Variants in TCERG1L observed in about 807,000 individuals in gnomAD.
TCERG1L encodes the protein transcription elongation regulator 1 like.
In TCERG1L, 37 loss-of-function variants were observed where a neutral mutation model predicts 56.3. That is an observed-to-expected ratio of 0.66 (90% CI 0.51 to 0.87). TCERG1L has a LOEUF of 0.87. Ranked by LOEUF, TCERG1L falls within the 40% of genes least tolerant of loss-of-function variation. The probability of loss-of-function intolerance (pLI) is 0.00; values close to 1 mark genes in which losing one functional copy is unlikely to be tolerated. For missense variants in TCERG1L, 799 were observed against 774.2 expected (o/e 1.03, Z -0.38); for synonymous variants, 324 against 326.3 (o/e 0.99, Z 0.08).
At position 131,194,031 on chromosome 10, in the gene TCERG1L, C is replaced by T. The variant is rs889305026; in HGVS notation, c.857-27146G>A. The stretch of plus-strand genomic sequence containing the variant: ...TAATGTTGCCGCATTGGCCATCTCA[C>T]GCACTGTGCTGATTAATAGCCACAC... On this transcript the variant is annotated intron_variant, in intron 4 of 11. Transcript: ENST00000368642. 3.2e-4 allele frequency among the ~76,000 whole-genome samples: 49 copies of T among 152,256 alleles called. 1 individual carries two copies. Among genetic ancestry groups the T allele is most frequent in the Admixed American group, 2.9e-3 (44 of 15,294 alleles).
chr10:131,205,169 G>C (rs1845504304), intron 4 of TCERG1L, among the ~76,000 whole-genome samples: 1 of 152,104 alleles, frequency 6.6e-6, no homozygotes, highest in African/African-American at 2.4e-5. Flanking sequence ...CTTAAAAAGG[G>C]AAAAAGAAGG....
chr10:131,108,022 ATTG>A (rs1375456145), intron 9 of TCERG1L, among the ~76,000 whole-genome samples: 1 of 151,988 alleles, frequency 6.6e-6, no homozygotes, highest in African/African-American at 2.4e-5. Flanking sequence ...GAAGTCCAAC[ATTG>A]TAGAACAACC....
chr10:131,153,999 C>T (rs1214723903), intron 6 of TCERG1L, among the ~76,000 whole-genome samples: 2 of 152,132 alleles, frequency 1.3e-5, no homozygotes, highest in African/African-American at 4.8e-5. Flanking sequence ...CCACTCGTTA[C>T]GGTTGGCTTC....
intron 6 of TCERG1L, among the ~76,000 whole-genome samples, chr10:131,150,328 C>A (rs1240744694): frequency 6.6e-6 from 1 of 152,242 alleles, no homozygotes; most frequent in South Asian, 2.1e-4. Flanking sequence ...CAGCCAGGGG[C>A]CAGATGCTCA....
At chr10:131,213,430 AT>A (rs1845637011) in intron 4 of TCERG1L, among the ~76,000 whole-genome samples, 1 of 152,212 alleles carries the variant, frequency 6.6e-6, no homozygotes, top group Admixed American at 6.5e-5. Flanking sequence ...CCAGAACCGG[AT>A]ATTAGGAAAC....
At chr10:131,263,975 A>G (rs1846258861) in intron 3 of TCERG1L, among the ~76,000 whole-genome samples, 1 of 151,346 alleles carries the variant, frequency 6.6e-6, no homozygotes, top group Admixed American at 6.6e-5. Context: ...AGATGGTATC[A>G]GAATGACCTG....
chr10:131,302,096 T>G (rs1234406898), intron 3 of TCERG1L, among the ~76,000 whole-genome samples: 2 of 152,098 alleles, frequency 1.3e-5, no homozygotes, highest in Non-Finnish European at 2.9e-5. Flanking sequence ...TACTAATGCA[T>G]TTGTATGACT....
intron 7 of TCERG1L, among the ~76,000 whole-genome samples, chr10:131,140,204 G>T (rs183813247): frequency 6.6e-6 from 1 of 152,314 alleles, no homozygotes; most frequent in Non-Finnish European, 1.5e-5. Context: ...TTTGGTACCT[G>T]TGGGTGCCTG....
chr10:131,198,226 C>G (rs1401746553), intron 4 of TCERG1L, among the ~76,000 whole-genome samples: 1 of 152,202 alleles, frequency 6.6e-6, no homozygotes, highest in Non-Finnish European at 1.5e-5. Context: ...ATGTACGTGG[C>G]ATCATCAAGT....
chr10:131,128,178 G>A (rs1845581417), intron 8 of TCERG1L, among the ~76,000 whole-genome samples: 1 of 152,256 alleles, frequency 6.6e-6, no homozygotes, highest in Admixed American at 6.5e-5. Context: ...AAACTAGAAT[G>A]AACCCAAGAG....
rs1472354711 is a variant in TCERG1L, at chr10:131,146,792, T to C, written c.1035-132A>G. On this transcript the variant is annotated intron_variant, in intron 6 of 11. Coordinates refer to ENST00000368642, the MANE Select transcript of TCERG1L (RefSeq NM_174937.4). ...ATTTGCAAAGCTTGTTTATGGATAG[T>C]ATGAATACTAAAGACAAAGCCTGCC... The C allele has an allele frequency of 8.0e-6, 8 of 1,001,562 alleles. No individual in the cohort carries two copies. The East Asian group carries it at 1.0e-4, about 13-fold the overall frequency. The allele number at this position is 1,001,562 out of a possible 1,614,324, so 62.0% of individuals were successfully genotyped here.
At chr10:131,266,027 G>T (rs1589766638) in intron 3 of TCERG1L, among the ~76,000 whole-genome samples, 2 of 152,258 alleles carry the variant, frequency 1.3e-5, no homozygotes, top group African/African-American at 4.8e-5. Flanking sequence ...CCCTGCTGCT[G>T]CTTTATCAAC....
At chr10:131,106,934 G>T (rs1477155943) in intron 9 of TCERG1L, among the ~76,000 whole-genome samples, 1 of 152,126 alleles carries the variant, frequency 6.6e-6, no homozygotes, top group Non-Finnish European at 1.5e-5. Context: ...ATGACCCAGG[G>T]TCCAGCTAGG....
intron 3 of TCERG1L, among the ~76,000 whole-genome samples, chr10:131,271,944 C>G (rs1846344147): frequency 6.6e-6 from 1 of 152,244 alleles, no homozygotes; most frequent in African/African-American, 2.4e-5. Flanking sequence ...TAGCTACCAA[C>G]TGTACCAGAA....
At chr10:131,305,889 T>C (rs1029974312) in intron 3 of TCERG1L, among the ~76,000 whole-genome samples, 2 of 152,148 alleles carry the variant, frequency 1.3e-5, no homozygotes, top group South Asian at 2.1e-4. Flanking sequence ...TACATGCATA[T>C]ATTTGTAAAT....
chr10:131,265,179 G>T (rs1403892661), intron 3 of TCERG1L, among the ~76,000 whole-genome samples: 1 of 152,162 alleles, frequency 6.6e-6, no homozygotes, highest in African/African-American at 2.4e-5. Flanking sequence ...GGTGAGAGTG[G>T]TTTGTATATG....
At chr10:131,281,120 A>C (rs1846446939) in intron 3 of TCERG1L, among the ~76,000 whole-genome samples, 1 of 152,154 alleles carries the variant, frequency 6.6e-6, no homozygotes, top group Admixed American at 6.5e-5. Context: ...CATAATCTCA[A>C]TGGCAATAAT....
intron 4 of TCERG1L, among the ~76,000 whole-genome samples, chr10:131,179,050 G>A (rs1845142302): frequency 6.6e-6 from 1 of 152,190 alleles, no homozygotes; most frequent in Admixed American, 6.5e-5. Context: ...GACAGCAGGG[G>A]AGGCTGAGCC....
intron 8 of TCERG1L, among the ~76,000 whole-genome samples, chr10:131,132,461 G>C (rs1845628157): frequency 6.6e-6 from 1 of 152,214 alleles, no homozygotes; most frequent in Non-Finnish European, 1.5e-5. Flanking sequence ...TGGGAACTGA[G>C]GCCAGTCCCA....
Sources: allele counts gnomAD v4.1 joint callset (sites outside exome capture counted in the v4.1 genomes callset), GRCh38; gene constraint gnomAD v4.1.1; transcripts MANE v1.5; gene names NCBI Gene and HGNC (gene_info 2026-07-23, HGNC 2026-07-21).